The following AFF3 variants were observed in gnomAD, a reference collection of about 807,000 sequenced individuals.
The protein encoded by AFF3 is AF4/FMR2 family member 3.
In AFF3, 32 loss-of-function variants were observed where a neutral mutation model predicts 129.7. The ratio of observed to expected loss-of-function variants is 0.25; its 90% CI spans 0.19 to 0.33. The LOEUF (loss-of-function observed/expected upper bound fraction) is 0.33, where lower values mean the gene tolerates loss of function less well. Ranked by LOEUF, AFF3 falls within the 10% of genes least tolerant of loss-of-function variation. AFF3 has a pLI of 1.00. For synonymous variants in AFF3, 644 were observed against 635.4 expected (o/e 1.01, Z -0.20); for missense variants, 1,373 against 1,592.0 (o/e 0.86, Z 2.34).
Position 100,142,477 on chromosome 2 carries a change from A to G in AFF3, c.-228+7T>C, listed in dbSNP as rs1202496075. ...GAGGGCCCGCACACCCTCCAGTTTG[A>G]TCTTACCTCTCAGCTCCCGTTCCTT... On this transcript the variant is annotated splice_region_variant and intron_variant, in intron 1 of 24. Transcript: ENST00000672756. The G allele has an allele frequency of 6.6e-6, 1 of 152,164 alleles. No homozygotes were observed. The highest frequency in any genetic ancestry group is 6.5e-5 in the Admixed American group (1 of 15,268). The allele number at this position is 152,164 out of a possible 1,614,324, so 9.4% of individuals were successfully genotyped here.
intron 17 of AFF3, among the ~76,000 whole-genome samples, chr2:99,581,842 T>TA (rs1677585145): frequency 6.7e-6 from 1 of 149,896 alleles, no homozygotes; most frequent in Admixed American, 6.6e-5. Flanking sequence ...TAGGCGTCCC[T>TA]AGGTGTTGGA....
intron 4 of AFF3, among the ~76,000 whole-genome samples, chr2:100,056,532 C>G (rs1181478980): frequency 2.0e-5 from 3 of 152,172 alleles, no homozygotes; most frequent in Non-Finnish European, 4.4e-5. Flanking sequence ...ATCACATCTG[C>G]AAGTTCCTTC....
chr2:99,776,917 T>C (rs1683948229), intron 8 of AFF3, among the ~76,000 whole-genome samples: 1 of 151,634 alleles, frequency 6.6e-6, no homozygotes, highest in Admixed American at 6.6e-5. Flanking sequence ...TGATGAAGAG[T>C]TTGTGGGGGG....
intron 7 of AFF3, among the ~76,000 whole-genome samples, chr2:99,890,136 T>C (rs1576286291): frequency 6.6e-6 from 1 of 152,338 alleles, no homozygotes; most frequent in Middle Eastern, 3.4e-3. Flanking sequence ...ATTTGGTACA[T>C]GTACCAGCAT....
rs1682242234 is a variant in AFF3 at position 100,008,919 on chromosome 2, C to T, written c.67G>A (p.Asp23Asn). The change falls in exon 5 of 25, where the codon GAT becomes AAT. Residue 23 changes from aspartate to asparagine, a missense_variant. Physicochemically the swap from Asp to Asn is conservative, Grantham distance 23 (BLOSUM62 1). Coordinates refer to ENST00000672756, the MANE Select transcript of AFF3 (RefSeq NM_001386135.1). ...DLESLCVYEP[D>N]RNALRRKERE... The stretch of plus-strand genomic sequence containing the variant: ...TCTTTCCTCCGTAATGCATTTCTAT[C>T]TGGTTCATAGACACTGCATCAGGAA... 6.2e-7 allele frequency: 1 copy of T among 1,613,950 alleles called. No homozygotes were observed. The highest frequency in any genetic ancestry group is 1.7e-5 in the Admixed American group (1 of 60,012).
At chr2:99,646,450 A>C (rs942854334) in intron 13 of AFF3, among the ~76,000 whole-genome samples, 3 of 152,206 alleles carry the variant, frequency 2.0e-5, no homozygotes, top group Non-Finnish European at 4.4e-5. Context: ...AACAAAGATG[A>C]AGGCATGAGC....
chr2:99,898,088 G>T (rs12993361), intron 7 of AFF3, among the ~76,000 whole-genome samples: 1 of 152,152 alleles, frequency 6.6e-6, no homozygotes, highest in Non-Finnish European at 1.5e-5. Flanking sequence ...ACACGACAAT[G>T]TTATATGAGA....
intron 11 of AFF3, among the ~76,000 whole-genome samples, chr2:99,701,002 C>A (rs1321982814): frequency 6.6e-6 from 1 of 152,188 alleles, no homozygotes; most frequent in Admixed American, 6.5e-5. Context: ...ACTCCACACT[C>A]ATACTGAAAG....
intron 7 of AFF3, among the ~76,000 whole-genome samples, chr2:99,933,142 G>A (rs115621785): frequency 0.013 from 2,031 of 150,550 alleles, 56 homozygotes; most frequent in African/African-American, 0.047. Context: ...GAGTTTCACC[G>A]GAGGTCTTTT....
chr2:99,752,407 T>A lies in AFF3; in HGVS notation c.922-106A>T, dbSNP rs1681731472. ...TGGGCCTTCATAAGGCAGGGAAGGG[T>A]TAAAAAATGTACAAAGGCTGAAAGA... is the stretch of plus-strand genomic sequence containing the variant. On this transcript the variant is annotated intron_variant, in intron 8 of 24. Coordinates refer to ENST00000672756, the MANE Select transcript of AFF3 (RefSeq NM_001386135.1). 3.8e-6 allele frequency: 3 copies of A among 792,876 alleles called. No homozygotes were observed. In the South Asian group the frequency reaches 5.3e-5, roughly 14 times the overall value. The allele number at this position is 792,876 out of a possible 1,614,324, so 49.1% of individuals were successfully genotyped here.
At chr2:99,796,242 C>T (rs1685548563) in intron 8 of AFF3, among the ~76,000 whole-genome samples, 1 of 152,212 alleles carries the variant, frequency 6.6e-6, no homozygotes, top group South Asian at 2.1e-4. Flanking sequence ...GCAATCTTCC[C>T]ACTAAACTAT....
At chr2:99,951,997 C>T (rs1019435911) in intron 7 of AFF3, among the ~76,000 whole-genome samples, 3 of 152,330 alleles carry the variant, frequency 2.0e-5, no homozygotes, top group Middle Eastern at 3.4e-3. Context: ...AAGCGCTAAG[C>T]TGCCTTGCTT....
chr2:100,082,079 G>C (rs1373758370), intron 4 of AFF3, among the ~76,000 whole-genome samples: 1 of 152,138 alleles, frequency 6.6e-6, no homozygotes, highest in East Asian at 1.9e-4. Context: ...TTCTTGAAAA[G>C]CTTTTTAAGA....
intron 17 of AFF3, among the ~76,000 whole-genome samples, chr2:99,582,008 C>G (rs1376707045): frequency 6.6e-6 from 1 of 152,026 alleles, no homozygotes; most frequent in Non-Finnish European, 1.5e-5. Context: ...GCGCCTGCCA[C>G]CACGCTAGGC....
At chr2:99,667,314 T>G (rs1686754275) in intron 12 of AFF3, among the ~76,000 whole-genome samples, 1 of 152,196 alleles carries the variant, frequency 6.6e-6, no homozygotes, top group Non-Finnish European at 1.5e-5. Context: ...CTTACTGAAC[T>G]GAATGACGAT....
chr2:100,077,574 A>C (rs1289649934), intron 4 of AFF3, among the ~76,000 whole-genome samples: 1 of 152,204 alleles, frequency 6.6e-6, no homozygotes, highest in Non-Finnish European at 1.5e-5. Flanking sequence ...TGCTGTTTTA[A>C]GCTGCTAAAT....
At chr2:99,711,434 A>G (rs894202978) in intron 11 of AFF3, among the ~76,000 whole-genome samples, 1 of 152,214 alleles carries the variant, frequency 6.6e-6, no homozygotes, top group African/African-American at 2.4e-5. Context: ...GGTACAAAAT[A>G]GGCATCTAAG....
At chr2:99,938,669 C>T (rs2106332143) in intron 7 of AFF3, among the ~76,000 whole-genome samples, 1 of 152,158 alleles carries the variant, frequency 6.6e-6, no homozygotes, top group East Asian at 1.9e-4. Context: ...AGACTGAGGC[C>T]CTCAGGGAAG....
intron 8 of AFF3, among the ~76,000 whole-genome samples, chr2:99,785,496 C>A (rs1395700717): frequency 2.6e-5 from 4 of 152,148 alleles, no homozygotes; most frequent in African/African-American, 9.7e-5. Flanking sequence ...TTTACTCTCT[C>A]CTTATTCCTC....
Sources: allele counts gnomAD v4.1 joint callset (sites outside exome capture counted in the v4.1 genomes callset), GRCh38; gene constraint gnomAD v4.1.1; transcripts MANE v1.5; gene names NCBI Gene and HGNC (gene_info 2026-07-23, HGNC 2026-07-21).